The following ELF1 variants were observed in gnomAD, a reference collection of about 807,000 sequenced individuals.
ELF1 encodes the protein ETS-related transcription factor Elf-1.
In ELF1, 24 loss-of-function variants were observed where a neutral mutation model predicts 59.9. That is an observed-to-expected ratio of 0.40 (90% CI 0.29 to 0.56). ELF1 has a LOEUF of 0.56. Ranked by LOEUF, ELF1 falls within the 20% of genes least tolerant of loss-of-function variation. The pLI is 0.44. For missense variants in ELF1, 627 were observed against 742.2 expected (o/e 0.84, Z 1.80); for synonymous variants, 248 against 266.2 (o/e 0.93, Z 0.67).
chr13:40,966,372 A>C (rs1328625131), intron 2 of ELF1, among the ~76,000 whole-genome samples: 2 of 152,246 alleles, frequency 1.3e-5, no homozygotes, highest in Non-Finnish European at 2.9e-5. Context: ...GTTGAAAGCA[A>C]AATTTCAGCA....
intron 1 of ELF1, among the ~76,000 whole-genome samples, chr13:41,011,567 C>T (rs1875064253): frequency 6.6e-6 from 1 of 152,048 alleles, no homozygotes; most frequent in Admixed American, 6.6e-5. Context: ...CCTCAGCTCC[C>T]CAAGTGGCTG....
At chr13:41,039,442 T>C (rs532234450) in intron 1 of ELF1, among the ~76,000 whole-genome samples, 4 of 151,974 alleles carry the variant, frequency 2.6e-5, no homozygotes, top group South Asian at 4.1e-4. Flanking sequence ...TTGCTTCACT[T>C]AAAAAACGAA....
chr13:40,995,361 A>G (rs1874076692), intron 1 of ELF1, among the ~76,000 whole-genome samples: 1 of 152,178 alleles, frequency 6.6e-6, no homozygotes, highest in Admixed American at 6.5e-5. Context: ...ATAGCTCCTC[A>G]TGATGTGGAA....
At chr13:41,002,581 C>T (rs1347310557) in intron 1 of ELF1, among the ~76,000 whole-genome samples, 1 of 141,016 alleles carries the variant, frequency 7.1e-6, no homozygotes, top group Non-Finnish European at 1.5e-5. Flanking sequence ...CAAGACCTTA[C>T]CTTAAAAAAA....
At chr13:41,015,884 A>G (rs1875329502) in intron 1 of ELF1, among the ~76,000 whole-genome samples, 1 of 152,176 alleles carries the variant, frequency 6.6e-6, no homozygotes, top group African/African-American at 2.4e-5. Context: ...CTGTCTACTC[A>G]TATGTGCTTG....
At chr13:41,047,431 G>A (rs1312004711) in intron 1 of ELF1, among the ~76,000 whole-genome samples, 1 of 152,182 alleles carries the variant, frequency 6.6e-6, no homozygotes, top group Non-Finnish European at 1.5e-5. Context: ...GGTCTTTGAT[G>A]ATGGTGACGT....
chr13:41,050,494 T>G (rs991492160), intron 1 of ELF1, among the ~76,000 whole-genome samples: 1 of 152,242 alleles, frequency 6.6e-6, no homozygotes. Context: ...CTCTGAGACC[T>G]TGCTTTCAAT....
chr13:41,038,796 A>T (rs1876488219), intron 1 of ELF1, among the ~76,000 whole-genome samples: 1 of 151,914 alleles, frequency 6.6e-6, no homozygotes, highest in African/African-American at 2.4e-5. Context: ...GCAGTGGATC[A>T]CTTGTGGTCA....
chr13:40,955,025 A>G (rs1871144938), intron 3 of ELF1, among the ~76,000 whole-genome samples: 1 of 141,302 alleles, frequency 7.1e-6, no homozygotes, highest in Non-Finnish European at 1.5e-5. Flanking sequence ...CAGGCTGCCC[A>G]TCGTCTGAGA....
chr13:41,039,217 C>T (rs146787079), intron 1 of ELF1, among the ~76,000 whole-genome samples: 5 of 150,610 alleles, frequency 3.3e-5, no homozygotes, highest in East Asian at 1.9e-4. Context: ...CTGGGTAACA[C>T]GGCAATACCC....
At chr13:40,960,938 T>C (rs1871779494) in intron 2 of ELF1, among the ~76,000 whole-genome samples, 1 of 152,216 alleles carries the variant, frequency 6.6e-6, no homozygotes, top group African/African-American at 2.4e-5. Context: ...TGTGGCGATC[T>C]TGACTCACTG....
At chr13:41,032,518 A>G (rs1242508826) in intron 1 of ELF1, among the ~76,000 whole-genome samples, 1 of 152,002 alleles carries the variant, frequency 6.6e-6, no homozygotes. Flanking sequence ...GCGCCCAGCG[A>G]TATTTATTAA....
In ELF1 at chr13:41,053,496, C is replaced by T. The variant is rs1025066660; in HGVS notation, c.-229+7342G>A. Reference sequence around the variant, plus strand: ...GTCAATCAATGATTCATCCATTCTCCTCAGTGTGGATATCACCTTCTTAAA... The same window carrying T: ...GTCAATCAATGATTCATCCATTCTCTTCAGTGTGGATATCACCTTCTTAAA... On this transcript the variant is annotated intron_variant, in intron 1 of 1. Transcript: ENST00000405737. Among the ~76,000 whole-genome samples the T allele has an allele frequency of 2.0e-5, 3 of 152,158 alleles. No homozygotes were observed. In the South Asian group the frequency reaches 6.2e-4, roughly 31 times the overall value.
chr13:41,029,416 C>T (rs1876076555), intron 1 of ELF1, among the ~76,000 whole-genome samples: 2 of 152,024 alleles, frequency 1.3e-5, no homozygotes, highest in South Asian at 4.1e-4. Flanking sequence ...TTTTTTGAAA[C>T]AGTCCTGATC....
At chr13:41,016,345 G>C (rs1875359137) in intron 1 of ELF1, among the ~76,000 whole-genome samples, 1 of 152,048 alleles carries the variant, frequency 6.6e-6, no homozygotes, top group African/African-American at 2.4e-5. Context: ...CAGACCTAGA[G>C]AATTTCCAAC....
At chr13:40,986,005 A>G (rs1873530721) in intron 1 of ELF1, among the ~76,000 whole-genome samples, 1 of 54,264 alleles carries the variant, frequency 1.8e-5, no homozygotes, top group African/African-American at 6.8e-5. Context: ...CCAGGCAGAC[A>G]TCTACCAGAT....
intron 1 of ELF1, among the ~76,000 whole-genome samples, chr13:41,048,251 C>T (rs192240912): frequency 1.2e-3 from 183 of 152,344 alleles, no homozygotes; most frequent in Admixed American, 2.0e-3. Context: ...CGCCCTGCTT[C>T]GGCTCACGCT....
intron 2 of ELF1, among the ~76,000 whole-genome samples, chr13:40,960,918 TAGAGTGC>T (rs1871777259): frequency 6.6e-6 from 1 of 152,210 alleles, no homozygotes; most frequent in South Asian, 2.1e-4. Context: ...CCGCCCAAGC[TAGAGTGC>T]AGTGTGGCGA....
At chr13:40,937,931 C>T (rs1869890675) in intron 8 of ELF1, among the ~76,000 whole-genome samples, 1 of 152,202 alleles carries the variant, frequency 6.6e-6, no homozygotes, top group African/African-American at 2.4e-5. Context: ...ATTCTCCTGC[C>T]TCAGCCTCCT....
Sources: gnomAD v4.1 joint callset for allele counts (sites outside exome capture counted in the v4.1 genomes callset) on GRCh38, gnomAD v4.1.1 for gene constraint, MANE v1.5 for transcripts, NCBI Gene and HGNC (gene_info 2026-07-23, HGNC 2026-07-21) for gene names.